MMP25: variants seen among roughly 807,000 people sequenced by gnomAD.
The protein encoded by MMP25 is matrix metallopeptidase 25.
Under a neutral mutation model 62.1 loss-of-function variants are expected in MMP25, and 68 were observed. That is an observed-to-expected ratio of 1.10 (90% CI 0.90 to 1.34). MMP25 has a LOEUF of 1.34. Ranked by LOEUF, MMP25 falls within the 40% of genes most tolerant of loss-of-function variation. The probability of loss-of-function intolerance (pLI) is 0.00; values close to 1 mark genes in which losing one functional copy is unlikely to be tolerated. For missense variants in MMP25, 942 were observed against 792.5 expected (o/e 1.19, Z -2.26); for synonymous variants, 407 against 345.6 (o/e 1.18, Z -1.97).
chr16:3,048,846 C>G (rs1180033104), intron 2 of MMP25, among the ~76,000 whole-genome samples: 2 of 150,522 alleles, frequency 1.3e-5, no homozygotes, highest in African/African-American at 2.5e-5. Flanking sequence ...CACTCTGTGG[C>G]CCAGGCTGCA....
At chr16:3,049,224 G>A (rs1472982535) in intron 2 of MMP25, among the ~76,000 whole-genome samples, 4 of 151,994 alleles carry the variant, frequency 2.6e-5, no homozygotes, top group Admixed American at 1.3e-4. Flanking sequence ...AGAAGGATGG[G>A]TGGCATATGT....
At position 3,058,635 on chromosome 16, in the gene MMP25, C is replaced by T; in HGVS notation, c.1383C>T (p.Pro461=). 2.5e-6 allele frequency: 4 copies of T among 1,605,294 alleles called. No homozygotes were observed. The African/African-American group carries it at 4.0e-5, about 16-fold the overall frequency. The part of the protein sequence containing the change: ...PRDLSLWEGA[P]PSPDDVTVSN... ...ACCTGAGCCTCTGGGAAGGCGCGCCCCCCTCCCCTGACGATGTCACCGTCA... is the reference window on the plus strand; with the variant it reads ...ACCTGAGCCTCTGGGAAGGCGCGCCTCCCTCCCCTGACGATGTCACCGTCA... Residue 461 remains proline, a synonymous_variant, in exon 9 of 10, where the codon CCC becomes CCT. Coordinates refer to ENST00000336577, the MANE Select transcript of MMP25 (RefSeq NM_022468.5).
Position 3,058,405 on chromosome 16 carries a change from C to T in MMP25, c.1160-7C>T, listed in dbSNP as rs755007174. 1.3e-6 allele frequency: 2 copies of T among 1,536,610 alleles called. No individual in the cohort carries two copies. The highest frequency in any genetic ancestry group is 2.0e-5 in the Admixed American group (1 of 48,910). On this transcript the variant is annotated splice_polypyrimidine_tract_variant and splice_region_variant and intron_variant, in intron 8 of 9. Transcript: ENST00000336577. The stretch of plus-strand genomic sequence containing the variant: ...CCACCCCTGACCTCCCGGCCTCCAC[C>T]CTGCAGGGCCCCAGTTCTGGGTGTT...
intron 4 of MMP25, among the ~76,000 whole-genome samples, chr16:3,055,554 T>C (rs1955991668): frequency 6.6e-6 from 1 of 152,176 alleles, no homozygotes. Flanking sequence ...CTCAGTTTCC[T>C]CCTCTGTAAA....
At chr16:3,052,300 C>T (rs544390655) in intron 4 of MMP25, 1 of 152,150 alleles carries the variant, frequency 6.6e-6, no homozygotes, top group East Asian at 1.9e-4. Context: ...GAGAAATGAC[C>T]CGGGACATAT....
intron 4 of MMP25, chr16:3,054,657 GATGT>G: frequency 6.7e-6 from 1 of 148,724 alleles, no homozygotes; most frequent in Non-Finnish European, 1.5e-5. Flanking sequence ...GGCAGGGATG[GATGT>G]ACGGACAGAT....
At chr16:3,056,787 C>T (rs1332035632) in intron 4 of MMP25, 2 of 458,072 alleles carry the variant, frequency 4.4e-6, no homozygotes, top group African/African-American at 4.1e-5. Context: ...GTAAGGTGGC[C>T]TATTCCTCTG....
intron 4 of MMP25, 43 bp from the exon 5 acceptor site, chr16:3,056,990 C>A: frequency 6.6e-7 from 1 of 1,521,806 alleles, no homozygotes; most frequent in Non-Finnish European, 8.8e-7. Flanking sequence ...GCCCCTTTCC[C>A]CAAGCAGGGG....
At position 3,050,379 on chromosome 16, in the gene MMP25, G is replaced by T; in HGVS notation, c.494G>T (p.Gly165Val). The T allele has an allele frequency of 6.2e-7, 1 of 1,614,014 alleles. No homozygotes were observed. The change falls in exon 4 of 10, where the codon GGC (glycine) becomes GTC (valine). Residue 165 changes from glycine (G) to valine (V), a missense_variant. Transcript: ENST00000336577. ...LTFHEVDSPQ[G>V]QEPDILIDFA... ...TTTCATGAGGTGGATTCCCCCCAGG[G>T]CCAGGAGCCCGACATCCTCATCGAC...
Position 3,046,892 on chromosome 16 carries a change from G to T in MMP25, c.-26G>T, listed in dbSNP as rs952638608. On this transcript the variant is annotated 5_prime_UTR_variant, in exon 1 of 10. Transcript: ENST00000336577. ...CCCAGCCAGGCCCCCTTCGAACCCC[G>T]CCGGCGGCCCGGGCTGGGGCGCACC... The T allele has an allele frequency of 5.7e-6, 7 of 1,236,214 alleles. No individual in the cohort carries two copies. The African/African-American group carries it at 1.1e-4, about 20-fold the overall frequency. 76.6% of individuals were successfully genotyped at this position (1,236,214 alleles called of 1,614,324 possible). A position where few individuals can be genotyped will look rare whatever the true frequency, so the allele number is the denominator to read the frequency against.
intron 4 of MMP25, chr16:3,053,851 T>A (rs1955948671): frequency 6.6e-6 from 1 of 152,106 alleles, no homozygotes; most frequent in African/African-American, 2.4e-5. Flanking sequence ...AGTGACCTTT[T>A]TAGTGCCTGT....
At chr16:3,056,069 G>C in intron 4 of MMP25, 1 of 397,762 alleles carries the variant, frequency 2.5e-6, no homozygotes, top group South Asian at 1.8e-5. Flanking sequence ...TGGGGTGGGG[G>C]TGGTACAGGG....
rs765690485 is a variant in MMP25, at chr16:3,058,585, C to G, written c.1333C>G (p.Arg445Gly). ...QYWRYDEAAA[R>G]PDPGYPRDLS... ...CTGGCGCTACGACGAGGCGGCGGCG[C>G]GCCCGGACCCCGGCTACCCTCGCGA... Residue 445 changes from arginine (R) to glycine (G), a missense_variant, in exon 9 of 10, where the codon CGC becomes GGC. Coordinates refer to ENST00000336577, the MANE Select transcript of MMP25 (RefSeq NM_022468.5). 6.2e-7 allele frequency: 1 copy of G among 1,607,552 alleles called. No individual in the cohort carries two copies.
At chr16:3,049,448 G>A (rs1166859704) in intron 2 of MMP25, among the ~76,000 whole-genome samples, 1 of 152,206 alleles carries the variant, frequency 6.6e-6, no homozygotes, top group East Asian at 1.9e-4. Context: ...CAATAAATGA[G>A]GCGCAGTTTG....
chr16:3,050,220 C>T lies in MMP25; in HGVS notation c.369-34C>T, dbSNP rs11862874. On this transcript the variant is annotated intron_variant, in intron 3 of 9. Transcript: ENST00000336577. The stretch of plus-strand genomic sequence containing the variant: ...TTTGAATGGCTGCCTGCTCCCTCCA[C>T]GGCCACCCTTACACCTCACTCCCCT... The T allele has an allele frequency of 4.3e-4, 678 of 1,575,508 alleles. 3 individuals carry two copies. The African/African-American group carries it at 8.0e-3, about 19-fold the overall frequency.
intron 7 of MMP25, chr16:3,057,888 G>C: frequency 1.7e-6 from 1 of 584,200 alleles, no homozygotes; most frequent in Admixed American, 3.2e-5. Context: ...TTATTTTGTA[G>C]AGATGGAGTC....
chr16:3,057,247 C>G (rs1004145843), intron 5 of MMP25, 38 bp downstream of exon 5: 4 of 1,613,826 alleles, frequency 2.5e-6, no homozygotes, highest in Non-Finnish European at 3.4e-6. Flanking sequence ...CCATCATTGC[C>G]CCATCCAGTG....
intron 4 of MMP25, chr16:3,056,359 C>G (rs77598228): frequency 0.031 from 5,009 of 160,428 alleles, 260 homozygotes; most frequent in African/African-American, 0.11. Context: ...GCCCTCACCC[C>G]ACCGCCCTCT....
rs1395883239 is a variant in MMP25 at position 3,057,631 on chromosome 16, G to A, written c.1006+18G>A. 1.2e-6 allele frequency: 2 copies of A among 1,612,244 alleles called. No individual in the cohort carries two copies. Among genetic ancestry groups the A allele is most frequent in the South Asian group, 1.1e-5 (1 of 91,052 alleles). ...CTTCAAAGGTGAGTCATTTCACTTG[G>A]CCTCATATATGTTGGTTTCCTGCCC... On this transcript the variant is annotated intron_variant, in intron 7 of 9. Coordinates refer to ENST00000336577, the MANE Select transcript of MMP25 (RefSeq NM_022468.5).
Sources: gnomAD v4.1 joint callset for allele counts (sites outside exome capture counted in the v4.1 genomes callset) on GRCh38, gnomAD v4.1.1 for gene constraint, MANE v1.5 for transcripts, NCBI Gene and HGNC (gene_info 2026-07-23, HGNC 2026-07-21) for gene names.